SNTG1: variants seen among roughly 807,000 people sequenced by gnomAD.
SNTG1 encodes the protein syntrophin gamma 1, also known as gamma-1-syntrophin.
A neutral mutation model predicts 74.7 loss-of-function variants in SNTG1; 39 were observed. The ratio of observed to expected loss-of-function variants is 0.52; its 90% CI spans 0.40 to 0.68. The LOEUF (loss-of-function observed/expected upper bound fraction) is 0.68. Among genes scored for constraint, SNTG1 ranks in the 30% least tolerant of loss-of-function variants. The pLI is 0.00. For synonymous variants in SNTG1, 254 were observed against 217.1 expected, an observed-to-expected ratio of 1.17 and a Z score of -1.49; for missense variants, 685 against 609.5, an observed-to-expected ratio of 1.12 and a Z score of -1.30.
At chr8:49,968,217 T>C (rs1488891965) in intron 1 of SNTG1, among the ~76,000 whole-genome samples, 1 of 152,180 alleles carries the variant, frequency 6.6e-6, no homozygotes, top group East Asian at 1.9e-4. Context: ...ATTGCCCACA[T>C]CCTTCATTGA....
At chr8:50,774,496 T>A (rs1300351958) in intron 18 of SNTG1, among the ~76,000 whole-genome samples, 1 of 151,836 alleles carries the variant, frequency 6.6e-6, no homozygotes, top group Non-Finnish European at 1.5e-5. Context: ...GAGGTTCTTA[T>A]TTAGTGAAAC....
At chr8:49,953,001 T>C (rs958512682) in intron 1 of SNTG1, among the ~76,000 whole-genome samples, 1 of 152,132 alleles carries the variant, frequency 6.6e-6, no homozygotes, top group Non-Finnish European at 1.5e-5. Context: ...CATGCAGAGA[T>C]GCAAATCAAT....
chr8:50,426,279 A>G (rs1204651271), intron 4 of SNTG1, among the ~76,000 whole-genome samples: 1 of 152,108 alleles, frequency 6.6e-6, no homozygotes, highest in Non-Finnish European at 1.5e-5. Flanking sequence ...TTCATTTGTT[A>G]TTGCTTTCAG....
chr8:50,672,227 A>G (rs7818897), intron 15 of SNTG1, among the ~76,000 whole-genome samples: 4,169 of 152,118 alleles, frequency 0.027, 162 homozygotes, highest in African/African-American at 0.092. Flanking sequence ...ATCAAATGGT[A>G]TTTCTGATGC....
chr8:50,593,615 G>GT (rs1223569745), intron 13 of SNTG1, among the ~76,000 whole-genome samples: 1 of 151,388 alleles, frequency 6.6e-6, no homozygotes, highest in Non-Finnish European at 1.5e-5. Context: ...TCATATTAGT[G>GT]TATCTCCTAC....
At chr8:50,252,691 T>C (rs2086695030) in intron 2 of SNTG1, among the ~76,000 whole-genome samples, 2 of 152,124 alleles carry the variant, frequency 1.3e-5, no homozygotes, top group Non-Finnish European at 2.9e-5. Flanking sequence ...TGCCACGTTC[T>C]TTTAAACAAA....
chr8:50,792,324 A>G (rs762028317), intron 18 of SNTG1, among the ~76,000 whole-genome samples: 1 of 151,888 alleles, frequency 6.6e-6, no homozygotes, highest in Non-Finnish European at 1.5e-5. Flanking sequence ...GTGTGCACAA[A>G]GAGATAAAAA....
chr8:50,452,261 T>C (rs1483488411), intron 8 of SNTG1, among the ~76,000 whole-genome samples: 1 of 152,230 alleles, frequency 6.6e-6, no homozygotes. Context: ...CATATTTCAA[T>C]TCCCAAGTTT....
chr8:50,153,781 T>C (rs2082155729), intron 1 of SNTG1, among the ~76,000 whole-genome samples: 1 of 152,162 alleles, frequency 6.6e-6, no homozygotes, highest in South Asian at 2.1e-4. Context: ...CTCAGATGGG[T>C]ACCCAGCTGT....
At chr8:50,132,163 C>A (rs932611474) in intron 1 of SNTG1, among the ~76,000 whole-genome samples, 3 of 152,132 alleles carry the variant, frequency 2.0e-5, no homozygotes, top group Admixed American at 6.6e-5. Context: ...ATTTATGGGT[C>A]TATTGTCATT....
intron 2 of SNTG1, among the ~76,000 whole-genome samples, chr8:50,208,660 T>C (rs753433384): frequency 4.8e-4 from 73 of 152,336 alleles, no homozygotes; most frequent in African/African-American, 1.6e-3. Context: ...CTAGCCTTGA[T>C]GGTCTTTACA....
At position 50,402,257 on chromosome 8, in the gene SNTG1, C is replaced by G. The variant is rs147593493; in HGVS notation, c.75C>G (p.Phe25Leu). Reference protein sequence around the residue: ...CLLQDGNQEPFKVRLHLAKDI... With the variant: ...CLLQDGNQEPLKVRLHLAKDI... ...TGCAGGATGGTAACCAGGAGCCTTT[C>G]AAAGTGCGGCTGCACCTAGCCAAAG... Residue 25 changes from phenylalanine to leucine, a missense_variant, in exon 4 of 19, where the codon TTC becomes TTG. By Grantham distance (22) the Phe-to-Leu change is conservative. Coordinates refer to ENST00000642720, the MANE Select transcript of SNTG1 (RefSeq NM_018967.5). 3 of 1,613,004 alleles carry G rather than the reference C, an allele frequency of 1.9e-6. No individual in the cohort carries two copies. The highest frequency in any genetic ancestry group is 2.5e-6 in the Non-Finnish European group (3 of 1,179,766).
intron 8 of SNTG1, among the ~76,000 whole-genome samples, chr8:50,458,545 C>G (rs1350283251): frequency 3.3e-5 from 5 of 151,992 alleles, no homozygotes; most frequent in African/African-American, 1.2e-4. Flanking sequence ...ATAAAAGGAG[C>G]ATCCATTATC....
chr8:50,036,860 C>T (rs946332992), intron 1 of SNTG1, among the ~76,000 whole-genome samples: 1 of 152,132 alleles, frequency 6.6e-6, no homozygotes, highest in Non-Finnish European at 1.5e-5. Context: ...TAACAGTAGG[C>T]ATTGTTCACT....
intron 1 of SNTG1, among the ~76,000 whole-genome samples, chr8:50,022,193 G>T (rs1378808080): frequency 6.6e-6 from 1 of 152,104 alleles, no homozygotes; most frequent in Non-Finnish European, 1.5e-5. Flanking sequence ...AGAAATGGGG[G>T]AAATAACATC....
intron 18 of SNTG1, among the ~76,000 whole-genome samples, chr8:50,760,455 AGTATGAT>A (rs1225536793): frequency 3.9e-5 from 6 of 152,132 alleles, no homozygotes; most frequent in Non-Finnish European, 1.5e-5. Flanking sequence ...TTGCCCATTT[AGTATGAT>A]ATTGGTTGTG....
chr8:50,469,474 G>A (rs2093634559), intron 8 of SNTG1, among the ~76,000 whole-genome samples: 1 of 152,064 alleles, frequency 6.6e-6, no homozygotes, highest in African/African-American at 2.4e-5. Flanking sequence ...GAAAAAATGA[G>A]TGCAAAGTCA....
At chr8:50,556,934 T>C (rs1486812312) in intron 12 of SNTG1, among the ~76,000 whole-genome samples, 2 of 152,264 alleles carry the variant, frequency 1.3e-5, no homozygotes, top group South Asian at 4.1e-4. Context: ...TCAGCACATG[T>C]CAGTCACATG....
chr8:50,533,930 C>A (rs1370623894), intron 10 of SNTG1, among the ~76,000 whole-genome samples: 4 of 152,152 alleles, frequency 2.6e-5, no homozygotes, highest in Non-Finnish European at 5.9e-5. Context: ...AGTCAGTCCT[C>A]AACATCTCAT....
Sources: gnomAD v4.1 joint callset for allele counts (sites outside exome capture counted in the v4.1 genomes callset) on GRCh38, gnomAD v4.1.1 for gene constraint, MANE v1.5 for transcripts, NCBI Gene and HGNC (gene_info 2026-07-23, HGNC 2026-07-21) for gene names.